CCDC175: variants seen among roughly 807,000 people sequenced by gnomAD.
The protein encoded by CCDC175 is coiled-coil domain containing 175.
CCDC175 carries 100 observed loss-of-function variants against 114.6 expected under a neutral mutation model. That is an observed-to-expected ratio of 0.87 (90% CI 0.74 to 1.03). The LOEUF (loss-of-function observed/expected upper bound fraction) is 1.03. CCDC175 is among the 50% of genes least tolerant of loss of function. The pLI, the probability that CCDC175 is intolerant of heterozygous loss-of-function variation, is 0.00. For missense variants in CCDC175, 880 were observed against 917.8 expected (o/e 0.96, Z 0.53); for synonymous variants, 306 against 308.7 (o/e 0.99, Z 0.09).
chr14:59,518,735 T>C (rs1208613733), intron 17 of CCDC175, among the ~76,000 whole-genome samples: 1 of 152,118 alleles, frequency 6.6e-6, no homozygotes, highest in Non-Finnish European at 1.5e-5. Context: ...GTAAACTAGT[T>C]CAACCATTGT....
chr14:59,515,656 G>T (rs1329091911), intron 17 of CCDC175, among the ~76,000 whole-genome samples: 1 of 152,132 alleles, frequency 6.6e-6, no homozygotes, highest in Non-Finnish European at 1.5e-5. Context: ...GGAGCACCCA[G>T]ATTCATAAAG....
In CCDC175 at chr14:59,565,284, A is replaced by G. The variant is rs887548160; in HGVS notation, c.492-9T>C. On this transcript the variant is annotated splice_polypyrimidine_tract_variant and intron_variant, in intron 4 of 19. Transcript: ENST00000537690. ...GCTCTTCCTGCTTCTCCCTGGGAGGAAAGAATTGCTCACAGAGTGAGAAGC... is the reference window on the plus strand; with the variant it reads ...GCTCTTCCTGCTTCTCCCTGGGAGGGAAGAATTGCTCACAGAGTGAGAAGC... 4 of 1,532,354 alleles carry G rather than the reference A, an allele frequency of 2.6e-6. No individual in the cohort carries two copies. In the African/African-American group the frequency reaches 4.1e-5, roughly 16 times the overall value. 94.9% of individuals were successfully genotyped at this position (1,532,354 alleles called of 1,614,324 possible). A position where few individuals can be genotyped will look rare whatever the true frequency, so the allele number is the denominator to read the frequency against.
chr14:59,544,625 C>A (rs1894994078), intron 9 of CCDC175, among the ~76,000 whole-genome samples: 1 of 152,058 alleles, frequency 6.6e-6, no homozygotes, highest in African/African-American at 2.4e-5. Context: ...CTATACATTT[C>A]TATATTTGAA....
intron 13 of CCDC175, among the ~76,000 whole-genome samples, chr14:59,537,480 G>A (rs1213438466): frequency 6.6e-6 from 1 of 152,184 alleles, no homozygotes; most frequent in Non-Finnish European, 1.5e-5. Context: ...CACCATCCCT[G>A]TTCTCAGCTG....
intron 7 of CCDC175, among the ~76,000 whole-genome samples, chr14:59,552,859 G>A (rs80157737): frequency 0.078 from 9,747 of 125,250 alleles, 417 homozygotes; most frequent in Middle Eastern, 0.12. Context: ...TGGAAGAAAG[G>A]GTATCAGTGA....
chr14:59,540,788 G>A, intron 10 of CCDC175, 42 bp from the exon 11 acceptor site: 1 of 1,444,614 alleles, frequency 6.9e-7, no homozygotes. Flanking sequence ...TATGGGAGCT[G>A]TTAGAATATA....
At chr14:59,527,820 C>T (rs991075609) in intron 14 of CCDC175, among the ~76,000 whole-genome samples, 14 of 152,136 alleles carry the variant, frequency 9.2e-5, no homozygotes, top group Non-Finnish European at 1.5e-4. Flanking sequence ...CAGAACCTCC[C>T]TCTGAGATAT....
intron 4 of CCDC175, 49 bp downstream of exon 4, chr14:59,568,196 C>G (rs1478682048): frequency 1.3e-6 from 2 of 1,483,434 alleles, no homozygotes; most frequent in East Asian, 2.5e-5. Flanking sequence ...TTTTCCCACT[C>G]CAGCCTCAGA....
At chr14:59,548,449 C>T (rs903595407) in intron 8 of CCDC175, among the ~76,000 whole-genome samples, 1 of 152,276 alleles carries the variant, frequency 6.6e-6, no homozygotes, top group Admixed American at 6.5e-5. Flanking sequence ...AAGAGCCTTG[C>T]ATTCTTTGAA....
intron 10 of CCDC175, among the ~76,000 whole-genome samples, chr14:59,541,311 A>T (rs1894770959): frequency 6.6e-6 from 1 of 152,198 alleles, no homozygotes; most frequent in South Asian, 2.1e-4. Context: ...AAAAGTACTA[A>T]CTAAGGATAG....
chr14:59,543,233 A>G, intron 10 of CCDC175, 111 bp downstream of exon 10: 1 of 468,992 alleles, frequency 2.1e-6, no homozygotes, highest in Non-Finnish European at 3.7e-6. Flanking sequence ...CTAGTTCTAA[A>G]CTTCCTTTTC....
chr14:59,511,883 T>G, intron 17 of CCDC175, 80 bp from the exon 18 acceptor site: 1 of 1,097,760 alleles, frequency 9.1e-7, no homozygotes, highest in Non-Finnish European at 1.3e-6. Flanking sequence ...TTCATTTTTG[T>G]TTTTTCAAAA....
intron 11 of CCDC175, among the ~76,000 whole-genome samples, chr14:59,539,057 A>C (rs1381687758): frequency 6.6e-6 from 1 of 152,244 alleles, no homozygotes; most frequent in Non-Finnish European, 1.5e-5. Context: ...AGTTACATCT[A>C]CACTTCCAAT....
chr14:59,512,162 G>C (rs751984863), intron 17 of CCDC175, among the ~76,000 whole-genome samples: 1 of 152,202 alleles, frequency 6.6e-6, no homozygotes, highest in Non-Finnish European at 1.5e-5. Flanking sequence ...AAAAAGATTA[G>C]CAAACTGAAT....
chr14:59,508,336 G>C (rs1012299413), intron 19 of CCDC175, among the ~76,000 whole-genome samples: 1 of 150,524 alleles, frequency 6.6e-6, no homozygotes, highest in Non-Finnish European at 1.5e-5. Context: ...GAGGCAGGAG[G>C]ATTGCTTGAG....
chr14:59,547,252 C>CAT (rs768768333), intron 8 of CCDC175, among the ~76,000 whole-genome samples: 14 of 152,202 alleles, frequency 9.2e-5, no homozygotes, highest in Non-Finnish European at 1.6e-4. Flanking sequence ...AAACAAAAGA[C>CAT]ATATGCCATG....
At chr14:59,539,071 A>G (rs1894597013) in intron 11 of CCDC175, among the ~76,000 whole-genome samples, 1 of 152,222 alleles carries the variant, frequency 6.6e-6, no homozygotes, top group Admixed American at 6.5e-5. Context: ...TTCCAATAGA[A>G]CAGCGAACAA....
At chr14:59,547,283 A>G (rs1170991409) in intron 8 of CCDC175, among the ~76,000 whole-genome samples, 1 of 152,210 alleles carries the variant, frequency 6.6e-6, no homozygotes, top group East Asian at 1.9e-4. Flanking sequence ...GGAAGCCTCA[A>G]TACTGTGAAA....
chr14:59,551,725 G>A (rs1259012662), intron 7 of CCDC175, among the ~76,000 whole-genome samples: 1 of 152,172 alleles, frequency 6.6e-6, no homozygotes, highest in African/African-American at 2.4e-5. Context: ...CTAGCCAAGG[G>A]AAGCCATGAC....
Sources: allele counts gnomAD v4.1 joint callset (sites outside exome capture counted in the v4.1 genomes callset), GRCh38; gene constraint gnomAD v4.1.1; transcripts MANE v1.5; gene names NCBI Gene and HGNC (gene_info 2026-07-23, HGNC 2026-07-21).